Variants in AKT3 observed in about 807,000 individuals in gnomAD.
The protein encoded by AKT3 is RAC-gamma serine/threonine-protein kinase.
A neutral mutation model predicts 65.3 loss-of-function variants in AKT3; 15 were observed. The observed-to-expected ratio is 0.23, with a 90% CI of 0.15 to 0.35. The LOEUF (loss-of-function observed/expected upper bound fraction) is 0.35, where lower values mean the gene tolerates loss of function less well. Among genes scored for constraint, AKT3 ranks in the 10% least tolerant of loss-of-function variants. AKT3 has a pLI of 1.00. For synonymous variants in AKT3, 206 were observed against 183.8 expected, an observed-to-expected ratio of 1.12 and a Z score of -0.98; for missense variants, 243 against 576.5, an observed-to-expected ratio of 0.42 and a Z score of 5.92.
At chr1:243,489,365 G>A (rs956163489) in intron 13 of AKT3, among the ~76,000 whole-genome samples, 1 of 152,214 alleles carries the variant, frequency 6.6e-6, no homozygotes, top group Non-Finnish European at 1.5e-5. Context: ...AACAGACCCC[G>A]GCCCGCGAAT....
At chr1:243,820,373 C>T (rs1572404689) in intron 2 of AKT3, among the ~76,000 whole-genome samples, 1 of 152,268 alleles carries the variant, frequency 6.6e-6, no homozygotes, top group Admixed American at 6.5e-5. Flanking sequence ...ACATTGAGAA[C>T]CCCAAAAGCC....
chr1:243,588,658 A>C (rs1364416557), intron 8 of AKT3, among the ~76,000 whole-genome samples: 1 of 152,236 alleles, frequency 6.6e-6, no homozygotes, highest in Non-Finnish European at 1.5e-5. Context: ...TCTCTTCAAT[A>C]AATAGTGCTA....
chr1:243,845,588 CAA>C (rs10648820), intron 1 of AKT3, among the ~76,000 whole-genome samples: 3 of 79,366 alleles, frequency 3.8e-5, no homozygotes, highest in African/African-American at 1.0e-4. Context: ...GAACCTGTCT[CAA>C]AAAAAAAAAA....
At chr1:243,823,430 T>C (rs755282615) in intron 2 of AKT3, among the ~76,000 whole-genome samples, 5 of 152,004 alleles carry the variant, frequency 3.3e-5, no homozygotes, top group Non-Finnish European at 5.9e-5. Flanking sequence ...GCCAAGGCAA[T>C]CATGCGAGAG....
rs150430646 is a variant in AKT3 at position 243,817,602 on chromosome 1, G to A, written c.46+25523C>T. ...CTAAACATGCAAAAATTAGCCAGGC[G>A]TGGTGGCACATGCCTGTAGTCCCAG... On this transcript the variant is annotated intron_variant, in intron 2 of 13. Transcript: ENST00000673466. Among the ~76,000 whole-genome samples, 556 of 152,300 alleles carry A rather than the reference G, an allele frequency of 3.7e-3. 4 individuals are homozygous for A. Among genetic ancestry groups the A allele is most frequent in the African/African-American group, 0.012 (515 of 41,564 alleles).
At chr1:243,709,558 T>A (rs1173661465) in intron 2 of AKT3, among the ~76,000 whole-genome samples, 1 of 151,916 alleles carries the variant, frequency 6.6e-6, no homozygotes, top group Non-Finnish European at 1.5e-5. Context: ...TACTAAACAG[T>A]CTTATTCTTT....
At position 243,576,164 on chromosome 1, in the gene AKT3, G is replaced by C. The variant is rs1037703180; in HGVS notation, c.697-3116C>G. Among the ~76,000 whole-genome samples the C allele has an allele frequency of 2.6e-5, 4 of 152,004 alleles. No homozygotes were observed. In the East Asian group the frequency reaches 7.7e-4, roughly 29 times the overall value. ...TGATTATCTCAATAGACACAGAAAAGGCCTTCAAAAAAATTCAACATCGCT... is the reference window on the plus strand; with the variant it reads ...TGATTATCTCAATAGACACAGAAAACGCCTTCAAAAAAATTCAACATCGCT... On this transcript the variant is annotated intron_variant, in intron 8 of 13. Coordinates refer to ENST00000673466, the MANE Select transcript of AKT3 (RefSeq NM_005465.7).
At chr1:243,516,908 C>A (rs1349465199) in intron 12 of AKT3, among the ~76,000 whole-genome samples, 1 of 152,124 alleles carries the variant, frequency 6.6e-6, no homozygotes, top group African/African-American at 2.4e-5. Flanking sequence ...AAGATAGAAG[C>A]TAAGGTCATT....
Position 243,594,230 on chromosome 1 carries a change from A to T in AKT3, c.696+19441T>A, listed in dbSNP as rs140875904. Among the ~76,000 whole-genome samples the T allele has an allele frequency of 4.9e-3, 739 of 152,340 alleles. 5 individuals are homozygous for T. Among genetic ancestry groups the T allele is most frequent in the Non-Finnish European group, 8.5e-3 (578 of 68,020 alleles). ...AAAAATTATACAAACCTATACACTA[A>T]AACTACAGTGTTTCAATAGACATTA... On this transcript the variant is annotated intron_variant, in intron 8 of 13. Coordinates refer to ENST00000673466, the MANE Select transcript of AKT3 (RefSeq NM_005465.7).
At position 243,620,226 on chromosome 1, in the gene AKT3, A is replaced by G. The variant is rs1343966746; in HGVS notation, c.562-5065T>C. On this transcript the variant is annotated intron_variant, in intron 6 of 13. Coordinates refer to ENST00000673466, the MANE Select transcript of AKT3 (RefSeq NM_005465.7). ...CACACTCGCCCTTTCTTCGCCTGAT[A>G]CCACACAAGACATGCCTCTTCCCCC... is the stretch of plus-strand genomic sequence containing the variant. Among the ~76,000 whole-genome samples the G allele has an allele frequency of 1.1e-4, 11 of 98,112 alleles. 5 individuals are homozygous for G. Among genetic ancestry groups the G allele is most frequent in the Admixed American group, 2.3e-4 (2 of 8,704 alleles). The allele number at this position is 98,112 out of a possible 152,430, so 64.4% of individuals were successfully genotyped here.
intron 1 of AKT3, among the ~76,000 whole-genome samples, chr1:243,844,488 T>A (rs961408692): frequency 7.2e-5 from 11 of 151,822 alleles, no homozygotes; most frequent in African/African-American, 2.4e-4. Context: ...CCAAAAAAAA[T>A]TTTTTTTTGA....
chr1:243,850,024 G>A lies in AKT3; in HGVS notation c.-113+16C>T. On this transcript the variant is annotated intron_variant, in intron 1 of 13. Transcript: ENST00000673466. Reference sequence around the variant, plus strand: ...CAGGCGGGGAGGGGGCTAGAGTTGGGGGCGGTGGCTGTTACCTGCAACGGC... The same window carrying A: ...CAGGCGGGGAGGGGGCTAGAGTTGGAGGCGGTGGCTGTTACCTGCAACGGC... 1.0e-6 allele frequency: 1 copy of A among 986,972 alleles called. No homozygotes were observed. Among genetic ancestry groups the A allele is most frequent in the East Asian group, 1.1e-4 (1 of 8,804 alleles). 61.1% of individuals were successfully genotyped at this position (986,972 alleles called of 1,614,324 possible). A position where few individuals can be genotyped will look rare whatever the true frequency, so the allele number is the denominator to read the frequency against.
At chr1:243,628,187 G>C (rs1307596354) in intron 6 of AKT3, among the ~76,000 whole-genome samples, 1 of 152,158 alleles carries the variant, frequency 6.6e-6, no homozygotes, top group Non-Finnish European at 1.5e-5. Context: ...AAATATCCAT[G>C]TCTTGGGTAA....
At chr1:243,601,541 GA>G (rs1677001086) in intron 8 of AKT3, among the ~76,000 whole-genome samples, 1 of 152,068 alleles carries the variant, frequency 6.6e-6, no homozygotes, top group African/African-American at 2.4e-5. Flanking sequence ...CATAACAAAT[GA>G]CACAGAAATT....
chr1:243,722,773 A>C (rs1427589008), intron 2 of AKT3, among the ~76,000 whole-genome samples: 1 of 152,166 alleles, frequency 6.6e-6, no homozygotes. Flanking sequence ...TTATACCTCA[A>C]ATATTATATT....
At chr1:243,724,283 C>T (rs777547942) in intron 2 of AKT3, among the ~76,000 whole-genome samples, 14 of 151,212 alleles carry the variant, frequency 9.3e-5, no homozygotes, top group African/African-American at 2.9e-4. Context: ...GGTAAAACTA[C>T]CCGTTACTGA....
intron 2 of AKT3, among the ~76,000 whole-genome samples, chr1:243,831,081 A>G (rs1264771911): frequency 6.6e-6 from 1 of 152,178 alleles, no homozygotes; most frequent in African/African-American, 2.4e-5. Context: ...TCCCAGTTCT[A>G]GTTCCTTGCC....
chr1:243,648,119 G>C (rs1680983162), intron 4 of AKT3, among the ~76,000 whole-genome samples: 1 of 151,992 alleles, frequency 6.6e-6, no homozygotes, highest in South Asian at 2.1e-4. Context: ...TTAGCTGGAT[G>C]TGCTGGCAGG....
chr1:243,845,346 G>A (rs978629223), intron 1 of AKT3, among the ~76,000 whole-genome samples: 5 of 150,584 alleles, frequency 3.3e-5, no homozygotes, highest in Non-Finnish European at 5.9e-5. Flanking sequence ...ATATTAGTTT[G>A]TAATCCCAGC....
Sources: allele counts gnomAD v4.1 joint callset (sites outside exome capture counted in the v4.1 genomes callset), GRCh38; gene constraint gnomAD v4.1.1; transcripts MANE v1.5; gene names NCBI Gene and HGNC (gene_info 2026-07-23, HGNC 2026-07-21).